The following ANKRD42 variants were observed in gnomAD, a reference collection of about 807,000 sequenced individuals.
ANKRD42 encodes the protein ankyrin repeat domain 42.
In ANKRD42, 43 loss-of-function variants were observed where a neutral mutation model predicts 51.5. The ratio of observed to expected loss-of-function variants is 0.83; its 90% confidence interval spans 0.65 to 1.08. The LOEUF (loss-of-function observed/expected upper bound fraction) is 1.08. Ranked by LOEUF, ANKRD42 falls within the 50% of genes least tolerant of loss-of-function variation. The probability of loss-of-function intolerance (pLI) is 0.00; values close to 1 mark genes in which losing one functional copy is unlikely to be tolerated. For synonymous variants in ANKRD42, 203 were observed against 213.0 expected, an observed-to-expected ratio of 0.95 and a Z score of 0.41; for missense variants, 608 against 629.3, an observed-to-expected ratio of 0.97 and a Z score of 0.36.
At chr11:83,201,106 C>T (rs181646696) in intron 2 of ANKRD42, among the ~76,000 whole-genome samples, 78 of 152,152 alleles carry the variant, frequency 5.1e-4, no homozygotes, top group African/African-American at 1.8e-3. Flanking sequence ...AGGTTTTAAG[C>T]CCTGCATGCA....
At chr11:83,249,102 A>G (rs1004817368), downstream of ANKRD42, 1 of 592,132 alleles carries the variant, frequency 1.7e-6, no homozygotes, top group African/African-American at 2.0e-5. Flanking sequence ...ACCATTTATA[A>G]CTCACTGCTT....
chr11:83,196,328 T>G (rs1376785321), intron 1 of ANKRD42, among the ~76,000 whole-genome samples: 1 of 152,206 alleles, frequency 6.6e-6, no homozygotes, highest in African/African-American at 2.4e-5. Context: ...CATTGTCTGT[T>G]TCTTGTCTAG....
chr11:83,211,249 C>T (rs763925190), intron 4 of ANKRD42, 46 bp from the exon 5 acceptor site: 3 of 1,610,420 alleles, frequency 1.9e-6, no homozygotes, highest in Non-Finnish European at 1.7e-6. Context: ...TAGTATTTCC[C>T]CTACAAAATG....
intron 3 of ANKRD42, 49 bp from the exon 4 acceptor site, chr11:83,210,251 G>A (rs544286478): frequency 6.4e-7 from 1 of 1,570,544 alleles, no homozygotes; most frequent in South Asian, 1.1e-5. Context: ...TGCATTTATG[G>A]TTTAACATCT....
intron 2 of ANKRD42, among the ~76,000 whole-genome samples, chr11:83,205,646 C>T (rs1014767639): frequency 6.6e-6 from 1 of 152,174 alleles, no homozygotes; most frequent in African/African-American, 2.4e-5. Context: ...TGCAAAAGCT[C>T]TGGACCCGTT....
intron 3 of ANKRD42, chr11:83,209,916 G>A: frequency 2.5e-6 from 1 of 393,688 alleles, no homozygotes; most frequent in South Asian, 2.9e-5. Context: ...TTGGCAGATG[G>A]AGGAAGCATC....
chr11:83,199,376 T>C (rs539586906), intron 2 of ANKRD42, among the ~76,000 whole-genome samples: 3 of 152,332 alleles, frequency 2.0e-5, no homozygotes, highest in Admixed American at 6.5e-5. Flanking sequence ...ATAAATGATA[T>C]CACATTATGT....
At position 83,204,992 on chromosome 11, in the gene ANKRD42, C is replaced by A. The variant is rs142343466; in HGVS notation, c.223-1066C>A. Among the ~76,000 whole-genome samples, 158 of 152,166 alleles carry A rather than the reference C, an allele frequency of 1.0e-3. 1 individual carries two copies. The East Asian group carries it at 0.026, about 25-fold the overall frequency. On this transcript the variant is annotated intron_variant, in intron 2 of 10. Transcript: ENST00000533342. The stretch of plus-strand genomic sequence containing the variant: ...TAAGAATAGCAGAAAAAACAAAAAA[C>A]CAAAAAAATGGCAATACAAAGTGTT...
At chr11:83,216,485 C>T (rs372864424) in intron 5 of ANKRD42, among the ~76,000 whole-genome samples, 49 of 151,912 alleles carry the variant, frequency 3.2e-4, no homozygotes, top group Non-Finnish European at 4.4e-4. Flanking sequence ...CCACCTCGCC[C>T]GGCTAATTTT....
rs1447468647 is a variant in ANKRD42, at chr11:83,248,491, G to A, written c.*287G>A. ...AATCAGAATTCTAAGACAGCTAGAG[G>A]ATATGTATATTTTAATATTCTAAAT... On this transcript the variant is annotated 3_prime_UTR_variant, in exon 11 of 11. Coordinates refer to ENST00000533342, the MANE Select transcript of ANKRD42 (RefSeq NM_001300975.2). 9.3e-6 allele frequency: 10 copies of A among 1,077,026 alleles called. No homozygotes were observed. In the East Asian group the frequency reaches 5.2e-4, roughly 56 times the overall value. 66.7% of individuals were successfully genotyped at this position (1,077,026 alleles called of 1,614,324 possible).
At chr11:83,196,829 T>C (rs1861676298) in intron 1 of ANKRD42, among the ~76,000 whole-genome samples, 2 of 152,172 alleles carry the variant, frequency 1.3e-5, no homozygotes, top group African/African-American at 4.8e-5. Flanking sequence ...TGGAGCCAAA[T>C]TATGGGAGGC....
At chr11:83,227,348 A>C (rs371526251) in intron 6 of ANKRD42, among the ~76,000 whole-genome samples, 1 of 152,042 alleles carries the variant, frequency 6.6e-6, no homozygotes, top group African/African-American at 2.4e-5. Flanking sequence ...CGTGACCTCA[A>C]ATGATTCACC....
chr11:83,247,119 A>T (rs1486637067), intron 10 of ANKRD42, among the ~76,000 whole-genome samples: 1 of 146,792 alleles, frequency 6.8e-6, no homozygotes, highest in Non-Finnish European at 1.5e-5. Context: ...TGAGATGTAG[A>T]TTTTTTTTTT....
At chr11:83,196,398 AGTGTGTGTGT>A (rs145815586) in intron 1 of ANKRD42, among the ~76,000 whole-genome samples, 25 of 124,808 alleles carry the variant, frequency 2.0e-4, no homozygotes, top group African/African-American at 3.8e-4. Context: ...AGTGTGTGAG[AGTGTGTGTGT>A]GTGTGTGTGT....
At position 83,206,061 on chromosome 11, in the gene ANKRD42, C is replaced by A; in HGVS notation, c.226C>A (p.Leu76Ile). ...WAAHSGSLEC[L>I]HWLLWHGADI... ...GTTAACATGGTTATTTTCTTAGTGTCTTCATTGGCTGCTCTGGCATGGAGC... is the reference window on the plus strand; with the variant it reads ...GTTAACATGGTTATTTTCTTAGTGTATTCATTGGCTGCTCTGGCATGGAGC... Residue 76 changes from leucine (L) to isoleucine (I), a missense_variant, in exon 3 of 11, where the codon CTT (leucine) becomes ATT (isoleucine). Leu to Ile is a conservative substitution (Grantham distance 5). Transcript: ENST00000533342. 1 of 1,612,378 alleles carries A rather than the reference C, an allele frequency of 6.2e-7. No individual in the cohort carries two copies. Among genetic ancestry groups the A allele is most frequent in the South Asian group, 1.1e-5 (1 of 90,946 alleles).
chr11:83,224,415 G>A (rs1399384691), intron 5 of ANKRD42, among the ~76,000 whole-genome samples: 2 of 152,006 alleles, frequency 1.3e-5, no homozygotes, highest in Non-Finnish European at 2.9e-5. Context: ...ACCCTCATCT[G>A]GTCTTTATAG....
intron 7 of ANKRD42, among the ~76,000 whole-genome samples, chr11:83,228,906 T>A (rs1224109110): frequency 6.6e-6 from 1 of 151,876 alleles, no homozygotes; most frequent in Non-Finnish European, 1.5e-5. Flanking sequence ...GATATGTGAA[T>A]GGGGAGGAGG....
chr11:83,249,406 G>T (rs1195856946), downstream of ANKRD42, among the ~76,000 whole-genome samples: 1 of 152,030 alleles, frequency 6.6e-6, no homozygotes, highest in Non-Finnish European at 1.5e-5. Flanking sequence ...TGTTTGTTTT[G>T]TAAGGACGGG....
At chr11:83,210,616 C>G (rs996283248) in intron 4 of ANKRD42, among the ~76,000 whole-genome samples, 197 bp downstream of exon 4, 1 of 152,204 alleles carries the variant, frequency 6.6e-6, no homozygotes, top group African/African-American at 2.4e-5. Flanking sequence ...CCCCCAAAAA[C>G]CAATTCAGTA....
Sources: gnomAD v4.1 joint callset for allele counts (sites outside exome capture counted in the v4.1 genomes callset) on GRCh38, gnomAD v4.1.1 for gene constraint, MANE v1.5 for transcripts, NCBI Gene and HGNC (gene_info 2026-07-23, HGNC 2026-07-21) for gene names.